Variants in GULP1 observed in about 807,000 individuals in gnomAD.
The protein encoded by GULP1 is PTB domain-containing engulfment adapter protein 1.
Under a neutral mutation model 40.9 loss-of-function variants are expected in GULP1, and 19 were observed. The ratio of observed to expected loss-of-function variants is 0.46; its 90% CI spans 0.32 to 0.68. The LOEUF is 0.68. GULP1 is among the 30% of genes least tolerant of loss of function. The probability of loss-of-function intolerance (pLI) is 0.03; values close to 1 mark genes in which losing one functional copy is unlikely to be tolerated. For missense variants in GULP1, 312 were observed against 362.2 expected, an observed-to-expected ratio of 0.86 and a Z score of 1.12; for synonymous variants, 119 against 117.6, an observed-to-expected ratio of 1.01 and a Z score of -0.08.
At chr2:188,428,886 T>TG (rs1348066988) in intron 2 of GULP1, among the ~76,000 whole-genome samples, 1 of 145,896 alleles carries the variant, frequency 6.9e-6, no homozygotes, top group Non-Finnish European at 1.5e-5. Flanking sequence ...AAAAAGTGTG[T>TG]TTTTTTTTTA....
intron 1 of GULP1, among the ~76,000 whole-genome samples, chr2:188,375,161 A>G (rs1574840199): frequency 1.3e-5 from 2 of 152,274 alleles, no homozygotes; most frequent in Admixed American, 6.5e-5. Context: ...GTGCTTGATT[A>G]TATTGGTACA....
At chr2:188,355,120 A>G (rs1038638405) in intron 1 of GULP1, among the ~76,000 whole-genome samples, 2 of 152,150 alleles carry the variant, frequency 1.3e-5, no homozygotes, top group African/African-American at 4.8e-5. Context: ...CAACCTAATG[A>G]TGCAACTCAA....
chr2:188,322,583 C>T (rs920885854), intron 1 of GULP1, among the ~76,000 whole-genome samples: 1 of 152,098 alleles, frequency 6.6e-6, no homozygotes, highest in African/African-American at 2.4e-5. Context: ...CGCTATTTCT[C>T]AGTTTCTCAC....
intron 1 of GULP1, among the ~76,000 whole-genome samples, chr2:188,338,342 G>C (rs1296366766): frequency 6.7e-6 from 1 of 150,160 alleles, no homozygotes; most frequent in Non-Finnish European, 1.5e-5. Flanking sequence ...GCTGTGGTGA[G>C]ACCAGAGCTC....
At chr2:188,475,300 A>T (rs545022674) in intron 2 of GULP1, among the ~76,000 whole-genome samples, 1 of 152,164 alleles carries the variant, frequency 6.6e-6, no homozygotes, top group African/African-American at 2.4e-5. Context: ...TGAGCAAGCA[A>T]AAGTGCTTCT....
chr2:188,484,108 G>A (rs141615330), intron 4 of GULP1, among the ~76,000 whole-genome samples: 236 of 151,994 alleles, frequency 1.6e-3, no homozygotes, highest in Non-Finnish European at 2.6e-3. Flanking sequence ...GGGTTTCACC[G>A]TGTTGCCCAT....
At chr2:188,546,611 G>A (rs990801241) in intron 7 of GULP1, among the ~76,000 whole-genome samples, 1 of 151,956 alleles carries the variant, frequency 6.6e-6, no homozygotes, top group African/African-American at 2.4e-5. Context: ...TAGGAAAGAG[G>A]AAAGTCTCAA....
intron 9 of GULP1, among the ~76,000 whole-genome samples, chr2:188,574,271 A>T (rs914904395): frequency 6.6e-6 from 1 of 152,172 alleles, no homozygotes; most frequent in Non-Finnish European, 1.5e-5. Flanking sequence ...TTTTATTTTC[A>T]GTTTATGATG....
intron 1 of GULP1, among the ~76,000 whole-genome samples, chr2:188,352,649 C>CACACACACACACACACAT (rs374718200): frequency 0.016 from 2,333 of 145,674 alleles, 24 homozygotes; most frequent in Non-Finnish European, 0.023. Flanking sequence ...CACACACACA[C>CACACACACACACACACAT]GGTTCTGTTT....
Position 188,374,343 on chromosome 2 carries a change from A to G in GULP1, c.-171-9420A>G, listed in dbSNP as rs146655594. Among the ~76,000 whole-genome samples the G allele has an allele frequency of 4.2e-3, 637 of 152,272 alleles. 1 individual carries two copies. Among genetic ancestry groups the G allele is most frequent in the Non-Finnish European group, 7.6e-3 (520 of 67,980 alleles). On this transcript the variant is annotated intron_variant, in intron 1 of 11. Coordinates refer to ENST00000409830, the MANE Select transcript of GULP1 (RefSeq NM_016315.4). ...ATAATACATACATTCAAGAGTAATTATTTTGTTGTACTTGGCAGACAACCA... is the reference window on the plus strand; with the variant it reads ...ATAATACATACATTCAAGAGTAATTGTTTTGTTGTACTTGGCAGACAACCA...
intron 2 of GULP1, among the ~76,000 whole-genome samples, chr2:188,392,430 G>A (rs1037852262): frequency 3.3e-5 from 5 of 151,978 alleles, no homozygotes; most frequent in Admixed American, 3.3e-4. Flanking sequence ...TTGTATTTCA[G>A]TGTTGTTGGT....
At position 188,494,953 on chromosome 2, in the gene GULP1, A is replaced by G. The variant is rs529172386; in HGVS notation, c.90+11461A>G. On this transcript the variant is annotated intron_variant, in intron 4 of 11. Transcript: ENST00000409830. Reference sequence around the variant, plus strand: ...GTTCCTCCTGGAAGACTTACCTGATACCACAGTCCTCTCAACTAAATCACT... The same window carrying G: ...GTTCCTCCTGGAAGACTTACCTGATGCCACAGTCCTCTCAACTAAATCACT... Among the ~76,000 whole-genome samples, 3 of 152,084 alleles carry G rather than the reference A, an allele frequency of 2.0e-5. No individual in the cohort carries two copies. In the South Asian group the frequency reaches 6.2e-4, roughly 31 times the overall value.
At chr2:188,562,780 G>T (rs541568402) in intron 7 of GULP1, among the ~76,000 whole-genome samples, 1 of 152,064 alleles carries the variant, frequency 6.6e-6, no homozygotes, top group South Asian at 2.1e-4. Flanking sequence ...TATACTATAT[G>T]CTGGGCCATA....
intron 8 of GULP1, 168 bp downstream of exon 8, chr2:188,569,523 G>GTT (rs199618262): frequency 8.5e-4 from 395 of 462,772 alleles, no homozygotes; most frequent in East Asian, 1.5e-3. Context: ...CCCCTGCACA[G>GTT]TTTTTTTTTT....
intron 1 of GULP1, among the ~76,000 whole-genome samples, chr2:188,344,292 G>C (rs1460259376): frequency 6.6e-6 from 1 of 152,132 alleles, no homozygotes; most frequent in East Asian, 1.9e-4. Flanking sequence ...TATAAATTGG[G>C]CAAAGTCTAG....
At chr2:188,435,468 A>T (rs1190409539) in intron 2 of GULP1, among the ~76,000 whole-genome samples, 2 of 152,082 alleles carry the variant, frequency 1.3e-5, no homozygotes, top group Non-Finnish European at 2.9e-5. Context: ...ATTCCATTAT[A>T]AGAATCTTTG....
chr2:188,477,666 G>A lies in GULP1; in HGVS notation c.-37G>A, dbSNP rs1383359535. The A allele has an allele frequency of 6.4e-7, 1 of 1,561,186 alleles. No individual in the cohort carries two copies. Among genetic ancestry groups the A allele is most frequent in the African/African-American group, 1.4e-5 (1 of 72,350 alleles). ...ATTTTGTCACTTTTACAGGATTTAA[G>A]TCGTGGAACTGAACATTTATTTGGC... is the stretch of plus-strand genomic sequence containing the variant. On this transcript the variant is annotated 5_prime_UTR_variant, in exon 3 of 12. Coordinates refer to ENST00000409830, the MANE Select transcript of GULP1 (RefSeq NM_016315.4).
intron 2 of GULP1, among the ~76,000 whole-genome samples, chr2:188,431,515 A>C (rs1422995237): frequency 6.6e-6 from 1 of 152,216 alleles, no homozygotes; most frequent in Non-Finnish European, 1.5e-5. Context: ...TTACAATTTC[A>C]CGAAGAGTAA....
chr2:188,511,793 A>G (rs1031589967), intron 4 of GULP1, among the ~76,000 whole-genome samples: 1 of 152,226 alleles, frequency 6.6e-6, no homozygotes, highest in Non-Finnish European at 1.5e-5. Context: ...AACAAATATT[A>G]AATATAAAAT....
Sources: allele counts gnomAD v4.1 joint callset (sites outside exome capture counted in the v4.1 genomes callset), GRCh38; gene constraint gnomAD v4.1.1; transcripts MANE v1.5; gene names NCBI Gene and HGNC (gene_info 2026-07-23, HGNC 2026-07-21).